The following VPS13C variants were observed in gnomAD, a reference collection of about 807,000 sequenced individuals.
VPS13C encodes intermembrane lipid transfer protein VPS13C.
VPS13C carries 358 observed loss-of-function variants against 456.8 expected under a neutral mutation model. The ratio of observed to expected loss-of-function variants is 0.78; its 90% CI spans 0.72 to 0.86. The LOEUF (loss-of-function observed/expected upper bound fraction) is 0.86. Ranked by LOEUF, VPS13C falls within the 40% of genes least tolerant of loss-of-function variation. The pLI, the probability that VPS13C is intolerant of heterozygous loss-of-function variation, is 0.00. For missense variants in VPS13C, 4,818 were observed against 4,385.4 expected (o/e 1.10, Z -2.79); for synonymous variants, 1,578 against 1,486.7 (o/e 1.06, Z -1.41).
intron 66 of VPS13C, among the ~76,000 whole-genome samples, chr15:61,892,274 A>G (rs902957649): frequency 6.6e-6 from 1 of 152,216 alleles, no homozygotes; most frequent in African/African-American, 2.4e-5. Flanking sequence ...CAGCAGCACA[A>G]CACTGTGGGA....
chr15:61,877,099 G>T, intron 74 of VPS13C, 45 bp from the exon 75 acceptor site: 3 of 1,446,402 alleles, frequency 2.1e-6, no homozygotes, highest in Non-Finnish European at 2.8e-6. Flanking sequence ...AATATTATAT[G>T]ATAAAAAAAG....
chr15:61,868,341 T>A (rs1434233314), intron 81 of VPS13C, among the ~76,000 whole-genome samples: 1 of 152,016 alleles, frequency 6.6e-6, no homozygotes, highest in Non-Finnish European at 1.5e-5. Flanking sequence ...GAAGTTCCAA[T>A]AATCAGCTAC....
At chr15:62,007,610 G>T in intron 14 of VPS13C, 131 bp from the exon 15 acceptor site, 1 of 698,430 alleles carries the variant, frequency 1.4e-6, no homozygotes, top group Non-Finnish European at 2.1e-6. Context: ...TAAGAGCTCA[G>T]CAATTCCCAG....
At chr15:62,044,297 C>A (rs776130457) in intron 1 of VPS13C, 42 bp from the exon 2 acceptor site, 11 of 1,253,932 alleles carry the variant, frequency 8.8e-6, no homozygotes, top group Non-Finnish European at 1.0e-5. Context: ...CTATAACATA[C>A]CAATTTTTAA....
intron 48 of VPS13C, among the ~76,000 whole-genome samples, chr15:61,935,290 T>A (rs529510395): frequency 6.6e-6 from 1 of 152,310 alleles, no homozygotes; most frequent in South Asian, 2.1e-4. Context: ...GATTCTATAA[T>A]CTTTTTCAAC....
intron 47 of VPS13C, among the ~76,000 whole-genome samples, chr15:61,937,752 G>A (rs944060607): frequency 3.9e-5 from 6 of 152,142 alleles, no homozygotes; most frequent in African/African-American, 1.2e-4. Flanking sequence ...GGGATTACAG[G>A]CGTGATCAAG....
At chr15:62,040,617 C>G (rs941715358) in intron 3 of VPS13C, among the ~76,000 whole-genome samples, 3 of 151,966 alleles carry the variant, frequency 2.0e-5, no homozygotes, top group East Asian at 1.9e-4. Flanking sequence ...AGTTCAATAT[C>G]TGAGTGACAG....
At chr15:61,875,975 C>T (rs953372055) in intron 75 of VPS13C, 130 bp from the exon 76 acceptor site, 1 of 596,466 alleles carries the variant, frequency 1.7e-6, no homozygotes, top group African/African-American at 1.9e-5. Context: ...GAATAATCAC[C>T]ACTACCTCCA....
chr15:61,931,700 C>T (rs956026729), intron 49 of VPS13C, among the ~76,000 whole-genome samples: 1 of 151,820 alleles, frequency 6.6e-6, no homozygotes, highest in Non-Finnish European at 1.5e-5. Context: ...CCTCAGCCTC[C>T]CGAGTAGCTG....
At chr15:61,880,801 T>G (rs1895791055) in intron 72 of VPS13C, 42 bp downstream of exon 72, 1 of 1,561,028 alleles carries the variant, frequency 6.4e-7, no homozygotes, top group South Asian at 1.2e-5. Flanking sequence ...TGATTTAAAT[T>G]TTGTTAATTT....
intron 16 of VPS13C, among the ~76,000 whole-genome samples, chr15:61,992,931 A>T (rs1183858249): frequency 2.0e-5 from 3 of 152,120 alleles, no homozygotes; most frequent in Admixed American, 2.0e-4. Context: ...AGAACCACTG[A>T]GATGACAACA....
intron 66 of VPS13C, among the ~76,000 whole-genome samples, chr15:61,899,828 A>C (rs1344497828): frequency 6.6e-6 from 1 of 152,034 alleles, no homozygotes; most frequent in Non-Finnish European, 1.5e-5. Context: ...ATTTTAGACC[A>C]ATATCCTTGA....
chr15:62,003,812 T>C (rs2046727663), intron 15 of VPS13C, among the ~76,000 whole-genome samples: 1 of 151,702 alleles, frequency 6.6e-6, no homozygotes, highest in Non-Finnish European at 1.5e-5. Context: ...GTTTATATGC[T>C]GGATTACATT....
chr15:62,001,641 G>A (rs145827310), intron 15 of VPS13C, among the ~76,000 whole-genome samples: 1,667 of 152,178 alleles, frequency 0.011, 40 homozygotes, highest in African/African-American at 0.039. Context: ...CTAGCATTAG[G>A]TATATCTCCC....
intron 81 of VPS13C, chr15:61,864,315 A>C (rs1559673): frequency 0.031 from 26,962 of 866,584 alleles, 848 homozygotes; most frequent in East Asian, 0.2. Flanking sequence ...GTAGTAGCAC[A>C]TTAAAACACA....
rs565272505 is a variant in VPS13C at position 61,901,710 on chromosome 15, C to T, written c.9105+5554G>A. The stretch of plus-strand genomic sequence containing the variant: ...ATTGTGGAAGTCAGTGTGGCGATTC[C>T]TCAGGGATCTAGAACTAGAAATACC... On this transcript the variant is annotated intron_variant, in intron 66 of 84. Transcript: ENST00000644861. Among the ~76,000 whole-genome samples, 378 of 151,880 alleles carry T rather than the reference C, an allele frequency of 2.5e-3. 1 individual carries two copies. Among genetic ancestry groups the T allele is most frequent in the Non-Finnish European group, 1.2e-3 (84 of 67,862 alleles).
At chr15:61,966,931 G>T (rs933859673) in intron 29 of VPS13C, among the ~76,000 whole-genome samples, 1 of 151,932 alleles carries the variant, frequency 6.6e-6, no homozygotes, top group Non-Finnish European at 1.5e-5. Flanking sequence ...TCATCTTGAA[G>T]GCAGCTAAAT....
intron 16 of VPS13C, among the ~76,000 whole-genome samples, chr15:61,995,094 T>C (rs1167351080): frequency 6.6e-6 from 1 of 152,240 alleles, no homozygotes; most frequent in Non-Finnish European, 1.5e-5. Flanking sequence ...CAGTCGTTCA[T>C]GCTCTCTCAT....
rs755356006 is a variant in VPS13C at position 61,869,522 on chromosome 15, T to C, written c.10726A>G (p.Ser3576Gly). 1 of 1,614,168 alleles carries C rather than the reference T, an allele frequency of 6.2e-7. No individual in the cohort carries two copies. The highest frequency in any genetic ancestry group is 8.5e-7 in the Non-Finnish European group (1 of 1,180,010). Reference protein sequence around the residue: ...PTGGIVDMASSTFQGIQRAAE... With the variant: ...PTGGIVDMASGTFQGIQRAAE... ...TACCTCTGAATGCCTTGGAAGGTAC[T>C]ACTGGCCATATCTACGATTCCACCA... Residue 3576 changes from serine (S) to glycine (G), a missense_variant, in exon 80 of 85, where the codon AGT (serine) becomes GGT (glycine). Around this residue, in one of 3 missense-constraint regions of VPS13C, gnomAD observed 261 missense variants for 234.1 expected, o/e 1.11. Transcript: ENST00000644861.
Sources: allele counts gnomAD v4.1 joint callset (sites outside exome capture counted in the v4.1 genomes callset), GRCh38; gene constraint gnomAD v4.1.1; regional missense constraint gnomAD v4.1.1; transcripts MANE v1.5; gene names NCBI Gene and HGNC (gene_info 2026-07-23, HGNC 2026-07-21).